Variants in PPARGC1A observed in about 807,000 individuals in gnomAD.
The protein encoded by PPARGC1A is PPARG coactivator 1 alpha.
Under a neutral mutation model 88.7 loss-of-function variants are expected in PPARGC1A, and 25 were observed. That is an observed-to-expected ratio of 0.28 (90% CI 0.21 to 0.39). PPARGC1A has a LOEUF of 0.39. Ranked by LOEUF, PPARGC1A falls within the 10% of genes least tolerant of loss-of-function variation. The pLI, the probability that PPARGC1A is intolerant of heterozygous loss-of-function variation, is 1.00. For synonymous variants in PPARGC1A, 363 were observed against 355.6 expected (o/e 1.02, Z -0.24); for missense variants, 880 against 968.7 (o/e 0.91, Z 1.22).
At chr4:24,416,546 G>C in the PPARGC1A span, among the ~76,000 whole-genome samples, 1 of 152,168 alleles carries the variant, frequency 6.6e-6, no homozygotes, top group Non-Finnish European at 1.5e-5. Context: ...TGTGAGACTA[G>C]GCGAAGGGAT....
At chr4:24,077,527 A>G in the PPARGC1A span, among the ~76,000 whole-genome samples, 1 of 151,162 alleles carries the variant, frequency 6.6e-6, no homozygotes, top group Non-Finnish European at 1.5e-5. Context: ...GTGATTCTCA[A>G]TTCTTTGCAT....
At chr4:24,345,494 C>T in the PPARGC1A span, among the ~76,000 whole-genome samples, 1 of 151,946 alleles carries the variant, frequency 6.6e-6, no homozygotes, top group Non-Finnish European at 1.5e-5. Context: ...TAGGTATATT[C>T]CTAAAAAGTT....
the PPARGC1A span, among the ~76,000 whole-genome samples, chr4:24,201,905 AT>A: frequency 0.014 from 2,026 of 141,262 alleles, 12 homozygotes; most frequent in Non-Finnish European, 0.019. Flanking sequence ...TGGTTATATC[AT>A]TTTTTTTTTT....
the PPARGC1A span, among the ~76,000 whole-genome samples, chr4:23,927,077 C>G: frequency 6.6e-6 from 1 of 152,194 alleles, no homozygotes; most frequent in Non-Finnish European, 1.5e-5. Context: ...TACATCTAAC[C>G]TACAACCTAG....
the PPARGC1A span, among the ~76,000 whole-genome samples, chr4:23,967,240 T>C: frequency 6.6e-6 from 1 of 152,304 alleles, no homozygotes; most frequent in East Asian, 1.9e-4. Flanking sequence ...CCCGTGGCCT[T>C]TTTGGAATAC....
the PPARGC1A span, among the ~76,000 whole-genome samples, chr4:23,998,816 AC>A: frequency 1.3e-5 from 2 of 152,222 alleles, no homozygotes; most frequent in African/African-American, 4.8e-5. Flanking sequence ...TAGCTCTCAT[AC>A]TAAATGCCAT....
chr4:23,982,654 G>T, the PPARGC1A span, among the ~76,000 whole-genome samples: 3 of 152,202 alleles, frequency 2.0e-5, no homozygotes, highest in African/African-American at 7.2e-5. Context: ...AAATAAAAAA[G>T]ACCTGAGTTT....
At chr4:24,118,801 GT>G in the PPARGC1A span, among the ~76,000 whole-genome samples, 2 of 151,976 alleles carry the variant, frequency 1.3e-5, no homozygotes, top group Non-Finnish European at 2.9e-5. Flanking sequence ...CTCTGAAATG[GT>G]TTTTTTCCAC....
At chr4:24,341,210 T>C in the PPARGC1A span, among the ~76,000 whole-genome samples, 1 of 149,566 alleles carries the variant, frequency 6.7e-6, no homozygotes, top group Non-Finnish European at 1.5e-5. Context: ...AAAACTTATA[T>C]ATATAATTAT....
chr4:24,259,388 C>T, the PPARGC1A span, among the ~76,000 whole-genome samples: 1 of 152,138 alleles, frequency 6.6e-6, no homozygotes, highest in Non-Finnish European at 1.5e-5. Flanking sequence ...CTTACTCCTT[C>T]CCTTTCATCA....
At chr4:23,894,076 C>T (rs1400801127), upstream of PPARGC1A, among the ~76,000 whole-genome samples, 2 of 152,080 alleles carry the variant, frequency 1.3e-5, no homozygotes, top group African/African-American at 4.8e-5. Flanking sequence ...ACTAAAGTTT[C>T]ATCCATAAGA....
the PPARGC1A span, among the ~76,000 whole-genome samples, chr4:24,275,816 T>C: frequency 5.9e-5 from 9 of 152,200 alleles, no homozygotes; most frequent in Admixed American, 3.9e-4. Flanking sequence ...TTTATAAGCA[T>C]GCACTGCCAA....
chr4:24,304,367 T>G, the PPARGC1A span, among the ~76,000 whole-genome samples: 1 of 152,308 alleles, frequency 6.6e-6, no homozygotes, highest in East Asian at 1.9e-4. Context: ...TCCTAACAGC[T>G]GTCACTTAAA....
the PPARGC1A span, among the ~76,000 whole-genome samples, chr4:23,921,733 G>A: frequency 2.0e-5 from 3 of 152,204 alleles, no homozygotes; most frequent in African/African-American, 4.8e-5. Flanking sequence ...TGCATACTTC[G>A]TGGATTAGTT....
chr4:24,448,516 A>C, the PPARGC1A span, among the ~76,000 whole-genome samples: 14 of 152,254 alleles, frequency 9.2e-5, no homozygotes, highest in East Asian at 2.1e-3. Context: ...TAAAATCTCC[A>C]CTGGATTCCC....
At chr4:24,464,291 A>T in the PPARGC1A span, among the ~76,000 whole-genome samples, 1 of 152,172 alleles carries the variant, frequency 6.6e-6, no homozygotes, top group South Asian at 2.1e-4. Context: ...CATTTTTATC[A>T]TTTGTTCAAG....
At chr4:23,876,601 T>C (rs1272274270) in intron 2 of PPARGC1A, among the ~76,000 whole-genome samples, 1 of 152,092 alleles carries the variant, frequency 6.6e-6, no homozygotes, top group Non-Finnish European at 1.5e-5. Flanking sequence ...CCACCAGGGA[T>C]TTGACTACTG....
the PPARGC1A span, among the ~76,000 whole-genome samples, chr4:24,300,579 A>G: frequency 6.6e-3 from 1,003 of 152,048 alleles, 15 homozygotes; most frequent in African/African-American, 0.023. Flanking sequence ...TTAAATTGTA[A>G]TTAAATTGGC....
At chr4:23,811,723 G>A (rs922273258) in intron 10 of PPARGC1A, among the ~76,000 whole-genome samples, 8 of 152,074 alleles carry the variant, frequency 5.3e-5, no homozygotes, top group South Asian at 2.1e-4. Context: ...ATAACATAAC[G>A]TGGATCTTTA....
Sources: gnomAD v4.1 joint callset for allele counts (sites outside exome capture counted in the v4.1 genomes callset) on GRCh38, gnomAD v4.1.1 for gene constraint, MANE v1.5 for transcripts, NCBI Gene and HGNC (gene_info 2026-07-23, HGNC 2026-07-21) for gene names.